The following AXIN1 variants were observed in gnomAD, a reference collection of about 807,000 sequenced individuals.
AXIN1 encodes axin-1.
In AXIN1, 30 loss-of-function variants were observed where a neutral mutation model predicts 76.4. The ratio of observed to expected loss-of-function variants is 0.39; its 90% confidence interval spans 0.29 to 0.53. AXIN1 has a LOEUF of 0.53. Among genes scored for constraint, AXIN1 ranks in the 20% least tolerant of loss-of-function variants. The pLI is 0.66. For synonymous variants in AXIN1, 545 were observed against 501.4 expected (o/e 1.09, Z -1.16); for missense variants, 1,140 against 1,198.8 (o/e 0.95, Z 0.72).
At position 347,110 on chromosome 16, in the gene AXIN1, T is replaced by C. The variant is rs1245528217; in HGVS notation, c.-81-4A>G. 7.5e-6 allele frequency: 12 copies of C among 1,608,100 alleles called. No individual in the cohort carries two copies. The East Asian group carries it at 2.5e-4, about 33-fold the overall frequency. On this transcript the variant is annotated splice_polypyrimidine_tract_variant and splice_region_variant and intron_variant, in intron 1 of 10. Coordinates refer to ENST00000262320, the MANE Select transcript of AXIN1 (RefSeq NM_003502.4). Reference sequence around the variant, plus strand: ...CTCCAAAGTGAATCAATCTGTCCTGTTGAAACCATTAAGAGGACAAGGATT... The same window carrying C: ...CTCCAAAGTGAATCAATCTGTCCTGCTGAAACCATTAAGAGGACAAGGATT...
At chr16:306,917 G>A (rs561052963) in intron 4 of AXIN1, among the ~76,000 whole-genome samples, 2 of 152,336 alleles carry the variant, frequency 1.3e-5, no homozygotes, top group South Asian at 2.1e-4. Context: ...GTGTGTGGAC[G>A]GCAGGGCGTC....
In AXIN1 at chr16:293,664, A is replaced by G. The variant is rs764472037; in HGVS notation, c.2010T>C (p.Leu670=). Residue 670 remains leucine, a synonymous_variant, in exon 8 of 11, where the codon CTT becomes CTC. Coordinates refer to ENST00000262320, the MANE Select transcript of AXIN1 (RefSeq NM_003502.4). The surrounding 1 kb of genome is among the most constrained non-coding windows in gnomAD (Gnocchi z 4.6). The part of the protein sequence containing the change: ...QPHENSRPLS[L]EHPWAGPQLR... Reference sequence around the variant, plus strand: ...GCTGAGGGCCGGCCCAGGGGTGCTCAAGGGACAAGGGTCTGGAGTTCTCAT... The same window carrying G: ...GCTGAGGGCCGGCCCAGGGGTGCTCGAGGGACAAGGGTCTGGAGTTCTCAT... 5 of 1,613,526 alleles carry G rather than the reference A, an allele frequency of 3.1e-6. No homozygotes were observed. Among genetic ancestry groups the G allele is most frequent in the Non-Finnish European group, 4.2e-6 (5 of 1,180,000 alleles).
chr16:301,775 C>T (rs535807058), intron 5 of AXIN1, among the ~76,000 whole-genome samples: 7 of 152,242 alleles, frequency 4.6e-5, no homozygotes, highest in African/African-American at 1.4e-4. Flanking sequence ...TTACAGCGGC[C>T]GGCGACCGAC....
intron 2 of AXIN1, among the ~76,000 whole-genome samples, chr16:322,035 A>C (rs2053470640): frequency 6.6e-6 from 1 of 152,236 alleles, no homozygotes; most frequent in Admixed American, 6.5e-5. Context: ...GAGCCAATGA[A>C]AGCCCAATTC....
Position 304,305 on chromosome 16 carries a change from A to G in AXIN1, c.1253T>C (p.Met418Thr). 1 of 1,610,984 alleles carries G rather than the reference A, an allele frequency of 6.2e-7. No individual in the cohort carries two copies. Among genetic ancestry groups the G allele is most frequent in the East Asian group, 2.2e-5 (1 of 44,846 alleles). ...GCGACACCGACGCGGCCCACTCACCATGCGCACGCGCTTCAGCCGCTCCTC... is the reference window on the plus strand; with the variant it reads ...GCGACACCGACGCGGCCCACTCACCGTGCGCACGCGCTTCAGCCGCTCCTC... ...KLEERLKRVR[M>T]EEEGEDGDPS... The change falls in exon 5 of 11, where the codon ATG becomes ACG. Residue 418 changes from methionine (M) to threonine (T), a missense_variant and splice_region_variant. Transcript: ENST00000262320.
intron 1 of AXIN1, among the ~76,000 whole-genome samples, chr16:349,031 G>C (rs2054089598): frequency 6.6e-6 from 1 of 151,950 alleles, no homozygotes; most frequent in South Asian, 2.1e-4. Context: ...CCGGGAGGCA[G>C]AGCTTGCAGT....
intron 5 of AXIN1, among the ~76,000 whole-genome samples, chr16:298,728 C>G (rs1232405926): frequency 6.6e-6 from 1 of 151,750 alleles, no homozygotes; most frequent in Non-Finnish European, 1.5e-5. Flanking sequence ...CCAGGCTGGT[C>G]TCGAATGCCT....
In AXIN1 at chr16:297,649, G is replaced by A. The variant is rs2052750456; in HGVS notation, c.1784+73C>T. 4.8e-6 allele frequency: 7 copies of A among 1,470,914 alleles called. No individual in the cohort carries two copies. The South Asian group carries it at 7.9e-5, about 17-fold the overall frequency. The allele number at this position is 1,470,914 out of a possible 1,614,324, so 91.1% of individuals were successfully genotyped here. A position where few individuals can be genotyped will look rare whatever the true frequency, so the allele number is the denominator to read the frequency against. Reference sequence around the variant, plus strand: ...CGGTCCTGGGTTTCCTGAGTTTTATGAGGAGGTTCTGGCCTTCTGCAGGGA... The same window carrying A: ...CGGTCCTGGGTTTCCTGAGTTTTATAAGGAGGTTCTGGCCTTCTGCAGGGA... On this transcript the variant is annotated intron_variant, in intron 6 of 10. Coordinates refer to ENST00000262320, the MANE Select transcript of AXIN1 (RefSeq NM_003502.4).
intron 4 of AXIN1, among the ~76,000 whole-genome samples, chr16:307,179 G>C (rs2053050001): frequency 6.6e-6 from 1 of 152,206 alleles, no homozygotes; most frequent in African/African-American, 2.4e-5. Flanking sequence ...CCAAGGGCAG[G>C]ATGAAAAGCC....
At chr16:350,637 C>A in intron 1 of AXIN1, among the ~76,000 whole-genome samples, 1 of 152,200 alleles carries the variant, frequency 6.6e-6, no homozygotes, top group East Asian at 1.9e-4. Flanking sequence ...ATTGATTTAA[C>A]TCTTGAAGGT....
intron 2 of AXIN1, among the ~76,000 whole-genome samples, chr16:338,769 A>C (rs961010341): frequency 5.3e-5 from 8 of 152,170 alleles, no homozygotes; most frequent in Non-Finnish European, 1.0e-4. Context: ...CTAAAAATAC[A>C]TAAAGTAGCC....
intron 2 of AXIN1, among the ~76,000 whole-genome samples, chr16:324,372 G>A (rs1485715936): frequency 6.6e-6 from 1 of 152,204 alleles, no homozygotes; most frequent in Non-Finnish European, 1.5e-5. Context: ...AGAAACGGCT[G>A]GAAGCAGCGC....
At chr16:339,377 G>A (rs191160186) in intron 2 of AXIN1, among the ~76,000 whole-genome samples, 170 of 149,996 alleles carry the variant, frequency 1.1e-3, no homozygotes, top group African/African-American at 3.9e-3. Flanking sequence ...CGGGCGTGGT[G>A]ACACGCGCCT....
chr16:338,967 ACAGAGTCCAGCAGAGCACCAG>A (rs71139774), intron 2 of AXIN1, among the ~76,000 whole-genome samples: 33,040 of 150,744 alleles, frequency 0.22, 4,084 homozygotes, highest in African/African-American at 0.34. Flanking sequence ...TGCTGTGGGG[ACAGAGTCCAGCAGAGCACCAG>A]CAGAGTCCAG....
At chr16:296,713 G>T (rs372263130) in intron 7 of AXIN1, among the ~76,000 whole-genome samples, 42 of 152,344 alleles carry the variant, frequency 2.8e-4, no homozygotes, top group South Asian at 1.0e-3. Context: ...GGTCAGTGGG[G>T]GCCTTCCCAG....
chr16:288,264 G>A lies in AXIN1; in HGVS notation c.2463-16C>T, dbSNP rs199500634. ...GAAGTAGTATCTGCAGGACGGAGGT[G>A]AGGAGGGCAGTGAGCAGGCAGCACC... is the stretch of plus-strand genomic sequence containing the variant. On this transcript the variant is annotated splice_polypyrimidine_tract_variant and intron_variant, in intron 10 of 10. Transcript: ENST00000262320. The A allele has an allele frequency of 1.2e-6, 2 of 1,613,376 alleles. No individual in the cohort carries two copies. Among genetic ancestry groups the A allele is most frequent in the Admixed American group, 1.7e-5 (1 of 60,030 alleles).
At chr16:331,084 C>T (rs907508198) in intron 2 of AXIN1, among the ~76,000 whole-genome samples, 1 of 152,224 alleles carries the variant, frequency 6.6e-6, no homozygotes, top group Admixed American at 6.5e-5. Flanking sequence ...TGCCGGCTTA[C>T]AGTCATGGTC....
intron 3 of AXIN1, among the ~76,000 whole-genome samples, chr16:310,648 C>T (rs1362119187): frequency 2.6e-5 from 4 of 152,270 alleles, no homozygotes; most frequent in African/African-American, 4.8e-5. Flanking sequence ...CCGCCCGCCT[C>T]GGCCTCGCAA....
In AXIN1 at chr16:325,955, G is replaced by A. The variant is rs74000514; in HGVS notation, c.879-11272C>T. 1.6e-3 allele frequency among the ~76,000 whole-genome samples: 243 copies of A among 151,872 alleles called. 1 individual carries two copies. The highest frequency in any genetic ancestry group is 5.4e-3 in the African/African-American group (225 of 41,384). On this transcript the variant is annotated intron_variant, in intron 2 of 10. Coordinates refer to ENST00000262320, the MANE Select transcript of AXIN1 (RefSeq NM_003502.4). Reference sequence around the variant, plus strand: ...GGCCCCACTCACTCACGCTGGCCACGAAAAGGCCCGCCCTGGTTCACACCG... The same window carrying A: ...GGCCCCACTCACTCACGCTGGCCACAAAAAGGCCCGCCCTGGTTCACACCG...
Sources: allele counts gnomAD v4.1 joint callset (sites outside exome capture counted in the v4.1 genomes callset), GRCh38; gene constraint gnomAD v4.1.1; non-coding constraint Gnocchi (gnomAD v3.1); transcripts MANE v1.5; gene names NCBI Gene and HGNC (gene_info 2026-07-23, HGNC 2026-07-21).